Variants in ASAP1 observed in about 807,000 individuals in gnomAD.
ASAP1 encodes the protein arf-GAP with SH3 domain, ANK repeat and PH domain-containing protein 1.
In ASAP1, 43 loss-of-function variants were observed where a neutral mutation model predicts 145.2. That is an observed-to-expected ratio of 0.30 (90% CI 0.23 to 0.38). ASAP1 has a LOEUF of 0.38. ASAP1 is among the 10% of genes least tolerant of loss of function. The pLI is 1.00. For synonymous variants in ASAP1, 546 were observed against 515.5 expected (o/e 1.06, Z -0.80); for missense variants, 1,018 against 1,355.3 (o/e 0.75, Z 3.91).
chr8:130,229,960 G>A (rs188868286), intron 4 of ASAP1, among the ~76,000 whole-genome samples: 20 of 152,210 alleles, frequency 1.3e-4, no homozygotes, highest in African/African-American at 4.6e-4. Context: ...TGCTACTCGG[G>A]AGGCTGAGGA....
At chr8:130,414,898 G>C (rs1012861311) in intron 1 of ASAP1, among the ~76,000 whole-genome samples, 9 of 151,858 alleles carry the variant, frequency 5.9e-5, no homozygotes, top group African/African-American at 2.2e-4. Flanking sequence ...CCAGGATTAT[G>C]GGCATACGCC....
chr8:130,076,151 G>T (rs985177192), intron 27 of ASAP1, among the ~76,000 whole-genome samples, 197 bp downstream of exon 27: 22 of 152,146 alleles, frequency 1.4e-4, no homozygotes, highest in Non-Finnish European at 7.4e-5. Context: ...AAAGTATGGT[G>T]CTTTGCTAAT....
At chr8:130,252,760 G>A (rs574725480) in intron 3 of ASAP1, among the ~76,000 whole-genome samples, 5 of 152,140 alleles carry the variant, frequency 3.3e-5, no homozygotes, top group East Asian at 3.9e-4. Context: ...CCATTCTTGG[G>A]AAAATAATAA....
intron 3 of ASAP1, among the ~76,000 whole-genome samples, chr8:130,310,480 G>T (rs763882639): frequency 9.9e-5 from 15 of 152,228 alleles, no homozygotes; most frequent in Middle Eastern, 3.4e-3. Flanking sequence ...TGATAGATGT[G>T]TCATGAAGTG....
intron 14 of ASAP1, among the ~76,000 whole-genome samples, 154 bp from the exon 15 acceptor site, chr8:130,134,498 T>C (rs1344513652): frequency 6.6e-6 from 1 of 152,228 alleles, no homozygotes; most frequent in African/African-American, 2.4e-5. Context: ...GCCTTGTGTA[T>C]ATTATTGCTA....
intron 4 of ASAP1, among the ~76,000 whole-genome samples, chr8:130,218,091 C>A (rs116408528): frequency 6.6e-6 from 1 of 152,208 alleles, no homozygotes; most frequent in East Asian, 1.9e-4. Context: ...AAAGGCCACA[C>A]GAGCTCAACC....
At chr8:130,369,584 A>G (rs1346555984) in intron 2 of ASAP1, among the ~76,000 whole-genome samples, 1 of 152,238 alleles carries the variant, frequency 6.6e-6, no homozygotes, top group Non-Finnish European at 1.5e-5. Context: ...ACATTTCTCC[A>G]AAGATATACA....
chr8:130,268,632 G>T (rs944003224), intron 3 of ASAP1, among the ~76,000 whole-genome samples: 25 of 151,902 alleles, frequency 1.6e-4, no homozygotes, highest in African/African-American at 6.0e-4. Context: ...TTAAAACAAT[G>T]TATACAAGCA....
rs371510882 is a variant in ASAP1, at chr8:130,241,765, T to C, written c.187-4771A>G. Among the ~76,000 whole-genome samples, 379 of 152,272 alleles carry C rather than the reference T, an allele frequency of 2.5e-3. 2 individuals carry two copies. The highest frequency in any genetic ancestry group is 8.9e-3 in the African/African-American group (372 of 41,584). The stretch of plus-strand genomic sequence containing the variant: ...GGACATTGCCTTCAAATAGTTATTC[T>C]GTGAACTTTCTTTAAAAATATTTTA... On this transcript the variant is annotated intron_variant, in intron 3 of 29. Transcript: ENST00000518721.
intron 3 of ASAP1, among the ~76,000 whole-genome samples, chr8:130,244,289 C>T (rs762114585): frequency 2.6e-5 from 4 of 152,260 alleles, no homozygotes; most frequent in Admixed American, 1.3e-4. Flanking sequence ...GTTAAACTGG[C>T]CTGAGTACTA....
In ASAP1 at chr8:130,126,116, A is replaced by G. The variant is rs200673327; in HGVS notation, c.1382-27T>C. The G allele has an allele frequency of 1.6e-4, 250 of 1,588,750 alleles. 4 individuals carry two copies. In the Middle Eastern group the frequency reaches 7.1e-3, roughly 45 times the overall value. ...TGTGGAAAGAATGTTGAAGACAATG[A>G]AACAAAAAAGACATCTAATTTTAGT... On this transcript the variant is annotated intron_variant, in intron 16 of 29. Coordinates refer to ENST00000518721, the MANE Select transcript of ASAP1 (RefSeq NM_018482.4).
intron 28 of ASAP1, among the ~76,000 whole-genome samples, chr8:130,059,412 A>G (rs2097412667): frequency 6.6e-6 from 1 of 152,144 alleles, no homozygotes; most frequent in South Asian, 2.1e-4. Flanking sequence ...GGAACCTCGC[A>G]CTTTGGCCTC....
chr8:130,173,043 C>T (rs1813694573), intron 9 of ASAP1, among the ~76,000 whole-genome samples: 2 of 152,134 alleles, frequency 1.3e-5, no homozygotes, highest in African/African-American at 4.8e-5. Flanking sequence ...TCTTCCTTAA[C>T]TTCAGTTTCT....
intron 3 of ASAP1, among the ~76,000 whole-genome samples, chr8:130,242,533 T>C (rs1818601770): frequency 6.6e-6 from 1 of 152,072 alleles, no homozygotes; most frequent in Admixed American, 6.6e-5. Context: ...TCATGCTACC[T>C]TGATGGGAGG....
At chr8:130,226,405 A>C (rs2136552258) in intron 4 of ASAP1, among the ~76,000 whole-genome samples, 1 of 152,296 alleles carries the variant, frequency 6.6e-6, no homozygotes, top group East Asian at 1.9e-4. Context: ...CCTGAGCCTC[A>C]GTTTCCTTAC....
In ASAP1 at chr8:130,060,765, G is replaced by A. The variant is rs761590323; in HGVS notation, c.3006C>T (p.Ser1002=). 3.1e-6 allele frequency: 5 copies of A among 1,614,020 alleles called. No homozygotes were observed. The African/African-American group carries it at 5.3e-5, about 17-fold the overall frequency. The change falls in exon 28 of 30, where the codon TCC becomes TCT. Residue 1002 remains serine (S), a synonymous_variant. Coordinates refer to ENST00000518721, the MANE Select transcript of ASAP1 (RefSeq NM_018482.4). ...KPQLGDLLAK[S]QTGDVSPKAQ... Reference sequence around the variant, plus strand: ...CCTTGGGTGAGACATCTCCAGTCTGGGATTTTGCTAGCAGGTCTCCCAGCT... The same window carrying A: ...CCTTGGGTGAGACATCTCCAGTCTGAGATTTTGCTAGCAGGTCTCCCAGCT...
chr8:130,303,703 T>C (rs935377980), intron 3 of ASAP1, among the ~76,000 whole-genome samples: 1 of 152,182 alleles, frequency 6.6e-6, no homozygotes, highest in African/African-American at 2.4e-5. Flanking sequence ...TCTGACTATA[T>C]GACATTCTGA....
chr8:130,144,894 A>G (rs1287724567), intron 13 of ASAP1, among the ~76,000 whole-genome samples: 3 of 152,210 alleles, frequency 2.0e-5, no homozygotes, highest in Non-Finnish European at 4.4e-5. Flanking sequence ...TGAGAAAGAA[A>G]TATTTGAAAA....
At chr8:130,277,296 C>G (rs770708215) in intron 3 of ASAP1, among the ~76,000 whole-genome samples, 1 of 152,156 alleles carries the variant, frequency 6.6e-6, no homozygotes, top group Non-Finnish European at 1.5e-5. Context: ...GTAGCAGCCA[C>G]TTGGTAACGA....
Sources: gnomAD v4.1 joint callset for allele counts (sites outside exome capture counted in the v4.1 genomes callset) on GRCh38, gnomAD v4.1.1 for gene constraint, MANE v1.5 for transcripts, NCBI Gene and HGNC (gene_info 2026-07-23, HGNC 2026-07-21) for gene names.